CFAP61: variants seen among roughly 807,000 people sequenced by gnomAD.
The protein encoded by CFAP61 is cilia- and flagella-associated protein 61.
Under a neutral mutation model 135.6 loss-of-function variants are expected in CFAP61, and 107 were observed. That is an observed-to-expected ratio of 0.79 (90% CI 0.67 to 0.93). The LOEUF (loss-of-function observed/expected upper bound fraction) is 0.93, where lower values mean the gene tolerates loss of function less well. Among genes scored for constraint, CFAP61 ranks in the 40% least tolerant of loss-of-function variants. The pLI, the probability that CFAP61 is intolerant of heterozygous loss-of-function variation, is 0.00. For missense variants in CFAP61, 1,507 were observed against 1,556.2 expected (o/e 0.97, Z 0.53); for synonymous variants, 575 against 578.5 (o/e 0.99, Z 0.09).
chr20:20,074,462 C>A, intron 4 of CFAP61, 84 bp downstream of exon 4: 2 of 1,180,838 alleles, frequency 1.7e-6, no homozygotes, highest in Non-Finnish European at 2.5e-6. Flanking sequence ...ACATGAAATT[C>A]TTTGGGGTGT....
intron 1 of CFAP61, among the ~76,000 whole-genome samples, chr20:20,054,024 T>G (rs1280381707): frequency 1.3e-5 from 2 of 149,860 alleles, no homozygotes; most frequent in African/African-American, 4.9e-5. Context: ...TTTTTTTTTT[T>G]TTTTTTTTTT....
intron 19 of CFAP61, among the ~76,000 whole-genome samples, chr20:20,247,246 T>G (rs1487081876): frequency 6.6e-6 from 1 of 152,210 alleles, no homozygotes; most frequent in African/African-American, 2.4e-5. Flanking sequence ...TCCCAGGAAA[T>G]GCTGGTTTTA....
chr20:20,093,273 G>C (rs1324522605), intron 7 of CFAP61, among the ~76,000 whole-genome samples: 1 of 152,158 alleles, frequency 6.6e-6, no homozygotes, highest in Non-Finnish European at 1.5e-5. Flanking sequence ...CTTCTGTAGA[G>C]ACAGAAGGTA....
chr20:20,281,106 T>C (rs778498517), intron 22 of CFAP61, among the ~76,000 whole-genome samples: 1 of 152,254 alleles, frequency 6.6e-6, no homozygotes, highest in Non-Finnish European at 1.5e-5. Context: ...ATTTATTTTC[T>C]GTATAAACAT....
chr20:20,074,482 T>G, intron 4 of CFAP61, 104 bp downstream of exon 4: 1 of 942,076 alleles, frequency 1.1e-6, no homozygotes, highest in Admixed American at 2.0e-5. Context: ...TTTAATTTGC[T>G]TGTAATTTGT....
chr20:20,091,313 C>T lies in CFAP61; in HGVS notation c.699+337C>T, dbSNP rs1225016987. Among the ~76,000 whole-genome samples the T allele has an allele frequency of 2.6e-5, 4 of 152,194 alleles. No individual in the cohort carries two copies. In the East Asian group the frequency reaches 7.7e-4, roughly 29 times the overall value. ...ACTTCAGAAGTCACAAACCAGCGTT[C>T]TGCTGGCAGATGGATTTTGTTTGAG... On this transcript the variant is annotated intron_variant, in intron 7 of 26. Coordinates refer to ENST00000245957, the MANE Select transcript of CFAP61 (RefSeq NM_015585.4).
intron 2 of CFAP61, among the ~76,000 whole-genome samples, chr20:20,060,627 A>G (rs538957137): frequency 3.3e-5 from 5 of 152,330 alleles, no homozygotes; most frequent in African/African-American, 7.2e-5. Context: ...CCTGGCTCCA[A>G]TGAGCCACAC....
At chr20:20,325,446 G>A (rs1298600862) in intron 25 of CFAP61, among the ~76,000 whole-genome samples, 8 of 152,110 alleles carry the variant, frequency 5.3e-5, no homozygotes, top group Admixed American at 3.3e-4. Context: ...TACTGTCTCC[G>A]TAGTTTTACC....
chr20:20,063,599 T>G (rs1026303327), intron 2 of CFAP61, among the ~76,000 whole-genome samples: 1 of 152,206 alleles, frequency 6.6e-6, no homozygotes, highest in African/African-American at 2.4e-5. Flanking sequence ...CTCTCATATG[T>G]ATACAAACCT....
chr20:20,221,339 CA>C (rs1461711056), intron 17 of CFAP61: 5 of 152,082 alleles, frequency 3.3e-5, no homozygotes, highest in African/African-American at 1.2e-4. Context: ...TTGTGTATTG[CA>C]TAAAGGCAAT....
At chr20:20,094,144 T>C (rs2047399931) in intron 7 of CFAP61, among the ~76,000 whole-genome samples, 1 of 152,254 alleles carries the variant, frequency 6.6e-6, no homozygotes, top group Admixed American at 6.5e-5. Context: ...AATTAGATTC[T>C]GAAGTACTAC....
intron 14 of CFAP61, among the ~76,000 whole-genome samples, chr20:20,188,962 G>A (rs1000690685): frequency 3.9e-5 from 6 of 152,120 alleles, no homozygotes; most frequent in African/African-American, 9.7e-5. Flanking sequence ...GAATCACACC[G>A]TTTGTTTTCT....
chr20:20,320,362 TGTA>T (rs2057390512), intron 25 of CFAP61, among the ~76,000 whole-genome samples: 1 of 21,552 alleles, frequency 4.6e-5, no homozygotes, highest in Non-Finnish European at 1.1e-4. Context: ...ATATAATATA[TGTA>T]ATATATATTA....
chr20:20,101,851 C>CA (rs2048048781), intron 8 of CFAP61, among the ~76,000 whole-genome samples: 1 of 152,152 alleles, frequency 6.6e-6, no homozygotes, highest in Admixed American at 6.5e-5. Context: ...TGGTCTTGAA[C>CA]TCCGGGCCTC....
chr20:20,131,627 A>G lies in CFAP61; in HGVS notation c.860-11230A>G, dbSNP rs2050532269. On this transcript the variant is annotated intron_variant, in intron 8 of 26. Transcript: ENST00000245957. The stretch of plus-strand genomic sequence containing the variant: ...TTCTCTATAATTTGTTACCAAGTTT[A>G]TTTCTTTTCTTTCCTTTATTAGTTC... Among the ~76,000 whole-genome samples, 4 of 151,162 alleles carry G rather than the reference A, an allele frequency of 2.6e-5. No individual in the cohort carries two copies. In the South Asian group the frequency reaches 8.3e-4, roughly 32 times the overall value.
Position 20,299,876 on chromosome 20 carries a change from C to T in CFAP61, c.3422+1490C>T, listed in dbSNP as rs1298928816. Reference sequence around the variant, plus strand: ...TGTGGACGTACTTCATGTGCAGAATCTCTCTAAGATATCCTAGCCCTAGAA... The same window carrying T: ...TGTGGACGTACTTCATGTGCAGAATTTCTCTAAGATATCCTAGCCCTAGAA... On this transcript the variant is annotated intron_variant, in intron 25 of 26. Transcript: ENST00000245957. Among the ~76,000 whole-genome samples the T allele has an allele frequency of 3.3e-5, 5 of 152,210 alleles. No individual in the cohort carries two copies. The East Asian group carries it at 7.7e-4, about 23-fold the overall frequency.
chr20:20,298,411 A>C (rs755246112), intron 25 of CFAP61, 25 bp downstream of exon 25: 61 of 1,561,942 alleles, frequency 3.9e-5, no homozygotes, highest in Non-Finnish European at 5.3e-5. Context: ...GCATTTGACT[A>C]CAGGGAAATA....
At chr20:20,277,067 A>AT (rs1457672065) in intron 21 of CFAP61, 99 bp from the exon 22 acceptor site, 1 of 933,780 alleles carries the variant, frequency 1.1e-6, no homozygotes, top group African/African-American at 1.7e-5. Flanking sequence ...CAGCTGAAAA[A>AT]TGAGAGGGTT....
chr20:20,067,794 C>T (rs1416063228), intron 2 of CFAP61, among the ~76,000 whole-genome samples: 1 of 139,614 alleles, frequency 7.2e-6, no homozygotes, highest in African/African-American at 2.7e-5. Context: ...ATATATATAC[C>T]TACCTTCTCC....
Sources: gnomAD v4.1 joint callset for allele counts (sites outside exome capture counted in the v4.1 genomes callset) on GRCh38, gnomAD v4.1.1 for gene constraint, MANE v1.5 for transcripts, NCBI Gene and HGNC (gene_info 2026-07-23, HGNC 2026-07-21) for gene names.